The following DHRSX variants were observed in gnomAD, a reference collection of about 807,000 sequenced individuals.
The protein encoded by DHRSX is dehydrogenase/reductase X-linked, also known as polyprenol dehydrogenase.
Under a neutral mutation model 34.0 loss-of-function variants are expected in DHRSX, and 31 were observed. That is an observed-to-expected ratio of 0.91 (90% CI 0.69 to 1.23). The LOEUF is 1.23. Ranked by LOEUF, DHRSX falls within the 50% of genes most tolerant of loss-of-function variation. DHRSX has a pLI of 0.00. For synonymous variants in DHRSX, 201 were observed against 183.8 expected, an observed-to-expected ratio of 1.09 and a Z score of -0.76; for missense variants, 414 against 428.1, an observed-to-expected ratio of 0.97 and a Z score of 0.29.
chrX:2,359,661 C>A (rs188555326), intron 3 of DHRSX, among the ~76,000 whole-genome samples: 3 of 151,470 alleles, frequency 2.0e-5, no homozygotes, highest in Non-Finnish European at 4.4e-5. Flanking sequence ...GCCTGGGTGA[C>A]ACAGCGAGAC....
chrX:2,251,261 C>T (rs2016428019), intron 5 of DHRSX, among the ~76,000 whole-genome samples: 1 of 152,154 alleles, frequency 6.6e-6, no homozygotes, highest in Non-Finnish European at 1.5e-5. Flanking sequence ...AAGACTTGTG[C>T]TAACATTCCT....
chrX:2,394,916 G>A (rs2043390952), intron 3 of DHRSX, among the ~76,000 whole-genome samples: 1 of 151,982 alleles, frequency 6.6e-6, no homozygotes, highest in Non-Finnish European at 1.5e-5. Flanking sequence ...AGTGATGAGA[G>A]GTTGGACTTC....
intron 3 of DHRSX, among the ~76,000 whole-genome samples, chrX:2,394,582 T>C (rs1287643134): frequency 6.6e-6 from 1 of 151,918 alleles, no homozygotes; most frequent in Non-Finnish European, 1.5e-5. Flanking sequence ...AGAGTTGGAG[T>C]TGGGGCCGGG....
chrX:2,364,908 T>C (rs1436509267), intron 3 of DHRSX, among the ~76,000 whole-genome samples: 8 of 152,238 alleles, frequency 5.3e-5, no homozygotes, highest in Non-Finnish European at 7.3e-5. Flanking sequence ...ATTATCTATC[T>C]AGCTATTTTC....
chrX:2,320,274 T>C (rs1489992514), intron 3 of DHRSX, among the ~76,000 whole-genome samples: 4 of 126,196 alleles, frequency 3.2e-5, no homozygotes, highest in Admixed American at 8.3e-5. Context: ...GCTTCACATA[T>C]TTCCCTATGT....
intron 1 of DHRSX, among the ~76,000 whole-genome samples, chrX:2,481,915 A>C (rs1467836729): frequency 6.6e-6 from 1 of 152,014 alleles, no homozygotes; most frequent in Non-Finnish European, 1.5e-5. Flanking sequence ...GCTGGGAAGA[A>C]ATGGAACGTT....
At chrX:2,282,860 G>GA (rs2041743000) in intron 4 of DHRSX, among the ~76,000 whole-genome samples, 1 of 133,972 alleles carries the variant, frequency 7.5e-6, no homozygotes, top group Non-Finnish European at 1.6e-5. Context: ...GAAGGGAGAA[G>GA]GGGAGAGAGA....
At chrX:2,446,621 G>T (rs1446939355) in intron 1 of DHRSX, among the ~76,000 whole-genome samples, 1 of 150,250 alleles carries the variant, frequency 6.7e-6, no homozygotes, top group African/African-American at 2.4e-5. Context: ...CATTCCCTAA[G>T]CATGGGCTAA....
At chrX:2,430,347 G>A (rs1410644507) in intron 1 of DHRSX, among the ~76,000 whole-genome samples, 1 of 151,610 alleles carries the variant, frequency 6.6e-6, no homozygotes, top group Non-Finnish European at 1.5e-5. Flanking sequence ...TTTTCCTTAC[G>A]GACCAGGAAG....
intron 3 of DHRSX, among the ~76,000 whole-genome samples, chrX:2,350,292 A>C (rs1292337189): frequency 1.3e-5 from 2 of 152,128 alleles, no homozygotes; most frequent in African/African-American, 2.4e-5. Flanking sequence ...CGGAGGTTGC[A>C]GTGAGCCGAG....
chrX:2,313,655 C>T (rs1243128560), intron 3 of DHRSX, among the ~76,000 whole-genome samples: 1 of 152,112 alleles, frequency 6.6e-6, no homozygotes, highest in East Asian at 1.9e-4. Context: ...GCATGAGCCA[C>T]GACGCCCAGC....
chrX:2,423,047 C>CA (rs2043800201), intron 2 of DHRSX, among the ~76,000 whole-genome samples: 1 of 149,788 alleles, frequency 6.7e-6, no homozygotes, highest in Admixed American at 6.7e-5. Context: ...AAGTGATCTG[C>CA]CCACCTTGAC....
chrX:2,451,272 T>G, intron 1 of DHRSX, among the ~76,000 whole-genome samples: 1 of 147,080 alleles, frequency 6.8e-6, no homozygotes, highest in Admixed American at 6.8e-5. Context: ...GAATGAAAGG[T>G]GCACAAAGGC....
At chrX:2,282,859 A>G (rs2041742568) in intron 4 of DHRSX, among the ~76,000 whole-genome samples, 1 of 91,694 alleles carries the variant, frequency 1.1e-5, no homozygotes, top group Admixed American at 1.3e-4. Flanking sequence ...AGAAGGGAGA[A>G]GGGGAGAGAG....
intron 6 of DHRSX, among the ~76,000 whole-genome samples, chrX:2,237,793 C>T (rs770234420): frequency 6.6e-6 from 1 of 152,050 alleles, no homozygotes; most frequent in Non-Finnish European, 1.5e-5. Flanking sequence ...CATGAGCCAC[C>T]ACTCCCAGCC....
chrX:2,243,251 G>T (rs769592105), intron 5 of DHRSX, 21 bp from the exon 6 acceptor site: 3 of 1,609,186 alleles, frequency 1.9e-6, no homozygotes, highest in Non-Finnish European at 2.6e-6. Flanking sequence ...AGCAGGAGAA[G>T]GTGTAAGAGG....
In DHRSX at chrX:2,263,237, G is replaced by T. The variant is rs561725585; in HGVS notation, c.596+3503C>A. Among the ~76,000 whole-genome samples the T allele has an allele frequency of 5.3e-5, 8 of 152,286 alleles. No homozygotes were observed. The South Asian group carries it at 1.7e-3, about 32-fold the overall frequency. ...TCCTACATGGAAATCCTCATCCCCC[G>T]TGAGATGGTGTTAGGAGGTGAGGCC... On this transcript the variant is annotated intron_variant, in intron 5 of 6. Coordinates refer to ENST00000334651, the MANE Select transcript of DHRSX (RefSeq NM_145177.3).
chrX:2,372,663 C>A (rs959055580), intron 3 of DHRSX, among the ~76,000 whole-genome samples: 2 of 150,840 alleles, frequency 1.3e-5, no homozygotes, highest in Non-Finnish European at 2.9e-5. Context: ...GGCTGGAGTG[C>A]AATGGCGCAA....
chrX:2,298,640 G>T (rs760670800), intron 3 of DHRSX, among the ~76,000 whole-genome samples: 3 of 104,234 alleles, frequency 2.9e-5, no homozygotes, highest in Admixed American at 2.6e-4. Flanking sequence ...ACACACACGA[G>T]GTCTTATTTT....
Sources: allele counts gnomAD v4.1 joint callset (sites outside exome capture counted in the v4.1 genomes callset), GRCh38; gene constraint gnomAD v4.1.1; transcripts MANE v1.5; gene names NCBI Gene and HGNC (gene_info 2026-07-23, HGNC 2026-07-21).